NLN: variants seen among roughly 807,000 people sequenced by gnomAD.
The protein encoded by NLN is neurolysin, mitochondrial.
In NLN, 64 loss-of-function variants were observed where a neutral mutation model predicts 79.9. The ratio of observed to expected loss-of-function variants is 0.80; its 90% confidence interval spans 0.65 to 0.99. The LOEUF is 0.99. NLN is among the 50% of genes least tolerant of loss of function. The pLI, the probability that NLN is intolerant of heterozygous loss-of-function variation, is 0.00. For synonymous variants in NLN, 267 were observed against 296.6 expected (o/e 0.90, Z 1.02); for missense variants, 835 against 858.7 (o/e 0.97, Z 0.34).
chr5:65,772,063 A>G (rs1759581278), intron 3 of NLN, among the ~76,000 whole-genome samples: 1 of 151,658 alleles, frequency 6.6e-6, no homozygotes, highest in South Asian at 2.1e-4. Flanking sequence ...GTCATTGGTC[A>G]TAATCAATAC....
At chr5:65,747,300 A>G (rs1759002902) in intron 1 of NLN, among the ~76,000 whole-genome samples, 1 of 152,166 alleles carries the variant, frequency 6.6e-6, no homozygotes, top group Non-Finnish European at 1.5e-5. Context: ...GTAATAGGTC[A>G]TGGGAGGCAG....
chr5:65,723,168 T>G (rs1579897413), intron 1 of NLN: 1 of 152,268 alleles, frequency 6.6e-6, no homozygotes, highest in East Asian at 1.9e-4. Flanking sequence ...TGCCCAGAAC[T>G]GTAAATCCAA....
At chr5:65,729,403 C>G (rs1170969384) in intron 1 of NLN, among the ~76,000 whole-genome samples, 1 of 104,772 alleles carries the variant, frequency 9.5e-6, no homozygotes, top group Non-Finnish European at 1.8e-5. Context: ...AGGATGGAGT[C>G]TTGCACTGTT....
chr5:65,792,575 C>G lies in NLN; in HGVS notation c.1447C>G (p.Arg483Gly), dbSNP rs758147999. Residue 483 changes from arginine to glycine, a missense_variant, in exon 9 of 13, where the codon CGT (arginine) becomes GGT (glycine). Arg to Gly is a moderately radical substitution (Grantham distance 125, BLOSUM62 -2). Coordinates refer to ENST00000380985, the MANE Select transcript of NLN (RefSeq NM_020726.5). ...VVNFSQPVAG[R>G]PSLLRHDEVR... The stretch of plus-strand genomic sequence containing the variant: ...GAACTTCTCACAGCCAGTGGCAGGT[C>G]GTCCCTCTCTCCTGAGACACGACGA... 1 of 1,613,872 alleles carries G rather than the reference C, an allele frequency of 6.2e-7. No individual in the cohort carries two copies. Among genetic ancestry groups the G allele is most frequent in the South Asian group, 1.1e-5 (1 of 91,050 alleles).
rs1294938516 is a variant in NLN at position 65,758,671 on chromosome 5, G to A, written c.146G>A (p.Arg49Lys). ...ACTGTGGCTGGCAGAAATGTTTTAA[G>A]ATGGGATCTTTCACCAGAGCAAATT... ...SYTVAGRNVL[R>K]WDLSPEQIKT... is the part of the protein sequence containing the mutation. Residue 49 changes from arginine to lysine, a missense_variant, in exon 2 of 13, where the codon AGA (arginine) becomes AAA (lysine). By Grantham distance (26) the Arg-to-Lys change is conservative (BLOSUM62 2). Transcript: ENST00000380985. The A allele has an allele frequency of 1.9e-6, 3 of 1,613,798 alleles. No individual in the cohort carries two copies. Among genetic ancestry groups the A allele is most frequent in the Non-Finnish European group, 2.5e-6 (3 of 1,179,836 alleles).
At chr5:65,793,666 T>C (rs919133960) in intron 9 of NLN, 58 of 150,600 alleles carry the variant, frequency 3.9e-4, no homozygotes, top group Admixed American at 3.4e-3. Flanking sequence ...AAAAAACTGA[T>C]AGTAACAGAA....
At chr5:65,742,730 A>G (rs1194889819) in intron 1 of NLN, among the ~76,000 whole-genome samples, 4 of 152,220 alleles carry the variant, frequency 2.6e-5, no homozygotes, top group African/African-American at 9.6e-5. Context: ...TGGAGGCAAG[A>G]GCAGTCGAAT....
chr5:65,768,996 G>A (rs1047186007), intron 3 of NLN, among the ~76,000 whole-genome samples: 1 of 152,246 alleles, frequency 6.6e-6, no homozygotes, highest in South Asian at 2.1e-4. Context: ...TGGTTCATTT[G>A]TGTGGGTTAA....
chr5:65,816,669 C>T (rs922212784), intron 12 of NLN, among the ~76,000 whole-genome samples: 1 of 152,046 alleles, frequency 6.6e-6, no homozygotes, highest in Non-Finnish European at 1.5e-5. Flanking sequence ...GTTCCAAACT[C>T]GGTGCATTTG....
chr5:65,822,961 A>C lies in NLN; in HGVS notation c.*46A>C, dbSNP rs1181323195. On this transcript the variant is annotated 3_prime_UTR_variant, in exon 13 of 13. Coordinates refer to ENST00000380985, the MANE Select transcript of NLN (RefSeq NM_020726.5). ...GTCCATGTCTGGAGGACAAGTCGACATCACCATGTGTTACTGGCCTGGAAA... is the reference window on the plus strand; with the variant it reads ...GTCCATGTCTGGAGGACAAGTCGACCTCACCATGTGTTACTGGCCTGGAAA... 6.4e-7 allele frequency: 1 copy of C among 1,561,848 alleles called. No homozygotes were observed. Among genetic ancestry groups the C allele is most frequent in the Non-Finnish European group, 8.8e-7 (1 of 1,134,436 alleles).
chr5:65,810,851 AC>A (rs1041073685), intron 11 of NLN, among the ~76,000 whole-genome samples: 1 of 152,018 alleles, frequency 6.6e-6, no homozygotes, highest in Non-Finnish European at 1.5e-5. Context: ...GGTGGTGTAT[AC>A]CTACAGTCCT....
intron 6 of NLN, among the ~76,000 whole-genome samples, chr5:65,785,031 T>G (rs922043367): frequency 6.6e-6 from 1 of 152,350 alleles, no homozygotes; most frequent in Admixed American, 6.5e-5. Context: ...AGAGTTATAT[T>G]CCATTGTATA....
chr5:65,757,236 G>C (rs763928364), intron 1 of NLN, among the ~76,000 whole-genome samples: 4 of 152,088 alleles, frequency 2.6e-5, no homozygotes, highest in Non-Finnish European at 5.9e-5. Flanking sequence ...TGCTTTATTA[G>C]AAGAGAATAC....
intron 9 of NLN, 160 bp from the exon 10 acceptor site, chr5:65,809,355 G>A (rs527499319): frequency 2.0e-5 from 12 of 594,916 alleles, no homozygotes; most frequent in African/African-American, 1.3e-4. Flanking sequence ...TTCAGCTGCT[G>A]TGTTTTATTT....
intron 1 of NLN, among the ~76,000 whole-genome samples, chr5:65,752,287 C>G (rs1759118976): frequency 6.6e-6 from 1 of 151,102 alleles, no homozygotes; most frequent in Non-Finnish European, 1.5e-5. Flanking sequence ...GCTTTGAAAA[C>G]AGAGGAGACG....
chr5:65,755,652 A>G (rs1192846751), intron 1 of NLN, among the ~76,000 whole-genome samples: 1 of 152,228 alleles, frequency 6.6e-6, no homozygotes, highest in Non-Finnish European at 1.5e-5. Context: ...AGGCATAAAC[A>G]GGTTTTGGAA....
chr5:65,738,951 T>A (rs980529472), intron 1 of NLN, among the ~76,000 whole-genome samples: 1,602 of 79,552 alleles, frequency 0.02, 26 homozygotes, highest in African/African-American at 0.033. Context: ...TTATATATGT[T>A]TATATATATG....
intron 1 of NLN, among the ~76,000 whole-genome samples, chr5:65,743,302 A>G (rs1239850930): frequency 2.0e-5 from 3 of 152,244 alleles, no homozygotes; most frequent in African/African-American, 7.2e-5. Flanking sequence ...ACAGATAAAA[A>G]AGGCCAAAAC....
At chr5:65,799,160 G>T (rs948214203) in intron 9 of NLN, among the ~76,000 whole-genome samples, 1 of 152,194 alleles carries the variant, frequency 6.6e-6, no homozygotes, top group African/African-American at 2.4e-5. Context: ...GGGATTACAG[G>T]TGTGAGCCAC....
Sources: gnomAD v4.1 joint callset for allele counts (sites outside exome capture counted in the v4.1 genomes callset) on GRCh38, gnomAD v4.1.1 for gene constraint, MANE v1.5 for transcripts, NCBI Gene and HGNC (gene_info 2026-07-23, HGNC 2026-07-21) for gene names.